TBL1Y: variants seen among roughly 807,000 people sequenced by gnomAD.
The protein encoded by TBL1Y is transducin beta like 1 Y-linked.
A neutral mutation model predicts 12.0 loss-of-function variants in TBL1Y; 15 were observed. The observed-to-expected ratio is 1.25, with a 90% confidence interval of 0.83 to 1.92. The LOEUF (loss-of-function observed/expected upper bound fraction) is 1.92, where lower values mean the gene tolerates loss of function less well. Among genes scored for constraint, TBL1Y ranks in the 40% most tolerant of loss-of-function variants. TBL1Y has a pLI of 0.00. For missense variants in TBL1Y, 148 were observed against 116.7 expected (o/e 1.27, Z -1.24); for synonymous variants, 53 against 42.6 (o/e 1.24, Z -0.95).
chrY:7,064,680 T>A (rs921679788), intron 8 of TBL1Y, among the ~76,000 whole-genome samples: 1 of 33,595 alleles, frequency 3.0e-5, no homozygotes, highest in Non-Finnish European at 7.3e-5. Flanking sequence ...CTGCCCCACT[T>A]GGACATACTA....
chrY:7,081,874 TGA>T (rs2013101699), intron 14 of TBL1Y, among the ~76,000 whole-genome samples: 1 of 32,915 alleles, frequency 3.0e-5, no homozygotes, highest in Non-Finnish European at 7.4e-5. Flanking sequence ...CAATTCAACC[TGA>T]GATTTGGGTG....
intron 13 of TBL1Y, among the ~76,000 whole-genome samples, chrY:7,079,727 T>A (rs2013081772): frequency 2.9e-5 from 1 of 34,306 alleles, no homozygotes; most frequent in East Asian, 7.6e-4. Context: ...GCTTTTTTTT[T>A]ACATATATTG....
intron 6 of TBL1Y, among the ~76,000 whole-genome samples, chrY:7,026,876 T>C: frequency 2.9e-5 from 1 of 33,997 alleles, no homozygotes; most frequent in Non-Finnish European, 7.3e-5. Flanking sequence ...GGAGTTGGTA[T>C]TGAAGAGAGA....
chrY:6,958,728 G>C, intron 2 of TBL1Y, among the ~76,000 whole-genome samples: 5 of 34,008 alleles, frequency 1.5e-4, no homozygotes, highest in Non-Finnish European at 3.7e-4. Flanking sequence ...GTGTACGTAA[G>C]CCAGATTTAT....
At chrY:6,997,410 G>A (rs2012418564) in intron 4 of TBL1Y, among the ~76,000 whole-genome samples, 2 of 31,933 alleles carry the variant, frequency 6.3e-5, no homozygotes, top group African/African-American at 1.2e-4. Context: ...AGAGCAAGAC[G>A]CGATCACCAA....
chrY:6,941,683 C>G (rs2011952744), intron 2 of TBL1Y, among the ~76,000 whole-genome samples: 2 of 32,817 alleles, frequency 6.1e-5, no homozygotes, highest in Non-Finnish European at 1.5e-4. Context: ...GACATGTGGC[C>G]CTTTGATCTC....
At chrY:7,032,152 GA>G (rs2012660413) in intron 6 of TBL1Y, among the ~76,000 whole-genome samples, 1 of 32,252 alleles carries the variant, frequency 3.1e-5, no homozygotes, top group Non-Finnish European at 7.5e-5. Context: ...CTATCTCCAC[GA>G]AAAAAATTTC....
intron 2 of TBL1Y, among the ~76,000 whole-genome samples, chrY:6,943,554 C>T: frequency 3.1e-5 from 1 of 32,772 alleles, no homozygotes; most frequent in Non-Finnish European, 7.4e-5. Flanking sequence ...TGGGGTTTTG[C>T]ATCCCAAGGA....
chrY:6,922,617 G>A, intron 2 of TBL1Y, among the ~76,000 whole-genome samples: 1 of 34,343 alleles, frequency 2.9e-5, no homozygotes. Context: ...AAACCTTCAG[G>A]TAGACACAGA....
In TBL1Y at chrY:7,090,141, G is replaced by A. The variant is rs778071953; in HGVS notation, c.1499G>A (p.Cys500Tyr). 2 of 396,613 alleles carry A rather than the reference G, an allele frequency of 5.0e-6. No homozygotes were observed. Among genetic ancestry groups the A allele is most frequent in the Non-Finnish European group, 3.5e-6 (1 of 283,032 alleles). The change falls in exon 18 of 19, where the codon TGC becomes TAC. Residue 500 changes from cysteine to tyrosine, a missense_variant. Physicochemically the swap from Cys to Tyr is radical, Grantham distance 194. Coordinates refer to ENST00000383032, the MANE Select transcript of TBL1Y (RefSeq NM_033284.2). Reference sequence around the variant, plus strand: ...GGCACTGGCGGTATCTTCGAGGTGTGCTGGAACGCCCGAGGAGATAAAGTG... The same window carrying A: ...GGCACTGGCGGTATCTTCGAGGTGTACTGGAACGCCCGAGGAGATAAAGTG... ...YQGTGGIFEVCWNARGDKVGA... is the reference protein window; with the variant it reads ...YQGTGGIFEVYWNARGDKVGA...
intron 12 of TBL1Y, among the ~76,000 whole-genome samples, 155 bp from the exon 13 acceptor site, chrY:7,074,405 A>C: frequency 6.1e-5 from 2 of 33,020 alleles, no homozygotes; most frequent in Non-Finnish European, 1.5e-4. Flanking sequence ...GATCCTAGAG[A>C]ATTAAAATTA....
intron 2 of TBL1Y, among the ~76,000 whole-genome samples, chrY:6,976,311 A>G (rs2124125056): frequency 3.0e-5 from 1 of 33,556 alleles, no homozygotes; most frequent in Non-Finnish European, 7.3e-5. Context: ...TTTGTGTCCC[A>G]TGAAACATGT....
chrY:6,967,029 CA>C (rs2012173807), intron 2 of TBL1Y, among the ~76,000 whole-genome samples: 1 of 33,264 alleles, frequency 3.0e-5, no homozygotes, highest in Non-Finnish European at 7.4e-5. Context: ...CCTTTTTGCT[CA>C]ATGAATGAAT....
intron 6 of TBL1Y, among the ~76,000 whole-genome samples, chrY:7,039,470 G>C (rs2012711648): frequency 3.1e-5 from 1 of 32,572 alleles, no homozygotes; most frequent in South Asian, 7.4e-4. Flanking sequence ...TCTTTTATAT[G>C]GGCACTGATC....
intron 7 of TBL1Y, among the ~76,000 whole-genome samples, chrY:7,061,673 C>G: frequency 3.1e-5 from 1 of 32,520 alleles, no homozygotes; most frequent in African/African-American, 1.2e-4. Context: ...CTTTCTTCCC[C>G]TGAAAGAAGA....
In TBL1Y at chrY:7,077,628, A is replaced by T. The variant is rs2013069023; in HGVS notation, c.955+3008A>T. Among the ~76,000 whole-genome samples the T allele has an allele frequency of 8.9e-5, 3 of 33,895 alleles. No homozygotes were observed. In the East Asian group the frequency reaches 2.4e-3, roughly 27 times the overall value. 90.9% of individuals were successfully genotyped at this position (33,895 alleles called of 37,273 possible). A position where few individuals can be genotyped will look rare whatever the true frequency, so the allele number is the denominator to read the frequency against. On this transcript the variant is annotated intron_variant, in intron 13 of 18. Coordinates refer to ENST00000383032, the MANE Select transcript of TBL1Y (RefSeq NM_033284.2). Reference sequence around the variant, plus strand: ...AATGGGTCAAGAACTGTCATGAAACATGCTCCTGAGGAAGCAATGAAAGAG... The same window carrying T: ...AATGGGTCAAGAACTGTCATGAAACTTGCTCCTGAGGAAGCAATGAAAGAG...
chrY:6,999,361 C>T (rs767222072), intron 4 of TBL1Y, among the ~76,000 whole-genome samples: 1 of 33,283 alleles, frequency 3.0e-5, no homozygotes, highest in African/African-American at 1.2e-4. Context: ...GGTTTTGGCA[C>T]CACGTCACCT....
At chrY:7,023,088 C>CT (rs2012591083) in intron 5 of TBL1Y, among the ~76,000 whole-genome samples, 1 of 29,471 alleles carries the variant, frequency 3.4e-5, no homozygotes. Flanking sequence ...TTATAAATGA[C>CT]TGAGTGTTTT....
chrY:7,064,731 G>A, intron 8 of TBL1Y, among the ~76,000 whole-genome samples: 1 of 33,390 alleles, frequency 3.0e-5, no homozygotes. Flanking sequence ...CAGCATGTAT[G>A]TAAGTTCAGA....
Sources: gnomAD v4.1 joint callset for allele counts (sites outside exome capture counted in the v4.1 genomes callset) on GRCh38, gnomAD v4.1.1 for gene constraint, MANE v1.5 for transcripts, NCBI Gene and HGNC (gene_info 2026-07-23, HGNC 2026-07-21) for gene names.